The following KCNAB1 variants were observed in gnomAD, a reference collection of about 807,000 sequenced individuals.
KCNAB1 encodes voltage-gated potassium channel subunit beta-1.
In KCNAB1, 35 loss-of-function variants were observed where a neutral mutation model predicts 64.6. That is an observed-to-expected ratio of 0.54 (90% CI 0.41 to 0.72). The LOEUF is 0.72. Ranked by LOEUF, KCNAB1 falls within the 30% of genes least tolerant of loss-of-function variation. The pLI is 0.00. For missense variants in KCNAB1, 401 were observed against 512.9 expected (o/e 0.78, Z 2.11); for synonymous variants, 177 against 183.8 (o/e 0.96, Z 0.30).
At chr3:156,456,122 T>C (rs367883093) in intron 3 of KCNAB1, 4 of 152,324 alleles carry the variant, frequency 2.6e-5, no homozygotes, top group African/African-American at 9.6e-5. Context: ...ATTTTTCTAG[T>C]AAGTAGGACC....
At chr3:156,170,669 C>T (rs538827073) in intron 1 of KCNAB1, among the ~76,000 whole-genome samples, 1 of 152,278 alleles carries the variant, frequency 6.6e-6, no homozygotes, top group South Asian at 2.1e-4. Flanking sequence ...TAATATTCAG[C>T]CTCTCCTTGG....
At chr3:156,221,787 A>AC (rs1560144072) in intron 1 of KCNAB1, among the ~76,000 whole-genome samples, 27 of 138,858 alleles carry the variant, frequency 1.9e-4, no homozygotes, top group African/African-American at 5.9e-4. Context: ...CCCCCCCGCC[A>AC]AAAAAAAAGT....
At chr3:156,258,780 A>G (rs1431972998) in intron 1 of KCNAB1, among the ~76,000 whole-genome samples, 2 of 152,200 alleles carry the variant, frequency 1.3e-5, no homozygotes, top group African/African-American at 2.4e-5. Flanking sequence ...TTAGGACTCC[A>G]AGTGCTCTCT....
At chr3:156,330,339 A>C (rs1021232769) in intron 1 of KCNAB1, among the ~76,000 whole-genome samples, 9 of 152,156 alleles carry the variant, frequency 5.9e-5, no homozygotes, top group African/African-American at 2.2e-4. Flanking sequence ...AAATCAGAGC[A>C]GCATCGGCCT....
intron 1 of KCNAB1, among the ~76,000 whole-genome samples, chr3:156,419,038 A>G (rs760051540): frequency 6.6e-6 from 1 of 152,180 alleles, no homozygotes; most frequent in Non-Finnish European, 1.5e-5. Context: ...GCTAGTTTGC[A>G]GTTTGTTTTT....
chr3:156,271,056 A>G (rs922714624), intron 1 of KCNAB1, among the ~76,000 whole-genome samples: 6 of 152,222 alleles, frequency 3.9e-5, no homozygotes, highest in Admixed American at 6.5e-5. Flanking sequence ...GCTGCTAGAC[A>G]TATTGGAGCT....
At chr3:156,151,061 G>A (rs1560109196) in intron 1 of KCNAB1, among the ~76,000 whole-genome samples, 1 of 152,194 alleles carries the variant, frequency 6.6e-6, no homozygotes, top group African/African-American at 2.4e-5. Flanking sequence ...GTTGGTGTCA[G>A]CCCCACCTCA....
intron 8 of KCNAB1, among the ~76,000 whole-genome samples, chr3:156,485,238 A>G (rs758904678): frequency 3.9e-5 from 6 of 152,132 alleles, no homozygotes; most frequent in Non-Finnish European, 5.9e-5. Context: ...AGCTTGTTCC[A>G]TAGCTCTTTC....
chr3:156,450,529 T>C (rs768996141), intron 2 of KCNAB1, among the ~76,000 whole-genome samples: 10 of 152,194 alleles, frequency 6.6e-5, no homozygotes, highest in Non-Finnish European at 7.3e-5. Flanking sequence ...AGCTACAAAG[T>C]TGCTCATTAG....
intron 12 of KCNAB1, among the ~76,000 whole-genome samples, chr3:156,527,645 C>CT (rs1559931795): frequency 6.6e-6 from 1 of 152,096 alleles, no homozygotes; most frequent in Admixed American, 6.6e-5. Context: ...TTAAAACATG[C>CT]TTTTTTTCCC....
intron 1 of KCNAB1, among the ~76,000 whole-genome samples, chr3:156,345,686 A>C (rs889542870): frequency 1.3e-5 from 2 of 152,222 alleles, no homozygotes; most frequent in Admixed American, 1.3e-4. Flanking sequence ...GGCTGGGGAC[A>C]GCTTGAGGCA....
At chr3:156,165,277 CAAAAAAAAAA>C (rs35419424) in intron 1 of KCNAB1, among the ~76,000 whole-genome samples, 867 of 27,146 alleles carry the variant, frequency 0.032, 10 homozygotes, top group African/African-American at 0.081. Context: ...GACTCCGTCT[CAAAAAAAAAA>C]AAAAAAAAAA....
upstream of KCNAB1, among the ~76,000 whole-genome samples, chr3:156,119,238 G>A (rs932068574): frequency 5.9e-5 from 9 of 152,282 alleles, no homozygotes; most frequent in South Asian, 2.1e-4. Context: ...GGGGCAAGGC[G>A]TACATTAAAG....
intron 1 of KCNAB1, among the ~76,000 whole-genome samples, chr3:156,137,699 C>T (rs960882303): frequency 1.4e-5 from 2 of 146,750 alleles, no homozygotes; most frequent in African/African-American, 5.1e-5. Context: ...GCACCCGCTA[C>T]CACGTCTGGC....
intron 1 of KCNAB1, among the ~76,000 whole-genome samples, chr3:156,254,372 C>T (rs939332713): frequency 6.6e-6 from 1 of 152,166 alleles, no homozygotes; most frequent in Non-Finnish European, 1.5e-5. Context: ...AGATCCCTTG[C>T]CAAACACTCT....
At chr3:156,226,278 T>C (rs932143519) in intron 1 of KCNAB1, among the ~76,000 whole-genome samples, 2 of 152,116 alleles carry the variant, frequency 1.3e-5, no homozygotes, top group Non-Finnish European at 1.5e-5. Context: ...AGTCAACTGA[T>C]CTTGACAAAG....
chr3:156,380,142 A>G (rs1343821800), intron 1 of KCNAB1, among the ~76,000 whole-genome samples: 2 of 152,116 alleles, frequency 1.3e-5, no homozygotes, highest in Admixed American at 6.5e-5. Context: ...ACCCCTCCCC[A>G]TCCATCAGCT....
intron 1 of KCNAB1, among the ~76,000 whole-genome samples, chr3:156,191,339 A>AT (rs1453129063): frequency 6.6e-6 from 1 of 152,224 alleles, no homozygotes; most frequent in Non-Finnish European, 1.5e-5. Context: ...CTAACCTCCC[A>AT]TCCCAGGGCC....
chr3:156,379,251 C>G (rs1711967847), intron 1 of KCNAB1, among the ~76,000 whole-genome samples: 1 of 152,160 alleles, frequency 6.6e-6, no homozygotes, highest in Admixed American at 6.5e-5. Flanking sequence ...AAGCTCTGTT[C>G]CAGGTGCTGG....
Sources: allele counts gnomAD v4.1 joint callset (sites outside exome capture counted in the v4.1 genomes callset), GRCh38; gene constraint gnomAD v4.1.1; transcripts MANE v1.5; gene names NCBI Gene and HGNC (gene_info 2026-07-23, HGNC 2026-07-21).